The following UBE3C variants were observed in gnomAD, a reference collection of about 807,000 sequenced individuals.
The protein encoded by UBE3C is ubiquitin-protein ligase E3C.
Under a neutral mutation model 129.4 loss-of-function variants are expected in UBE3C, and 42 were observed. The observed-to-expected ratio is 0.32, with a 90% CI of 0.25 to 0.42. The LOEUF (loss-of-function observed/expected upper bound fraction) is 0.42, where lower values mean the gene tolerates loss of function less well. Among genes scored for constraint, UBE3C ranks in the 10% least tolerant of loss-of-function variants. UBE3C has a pLI of 1.00. For missense variants in UBE3C, 1,049 were observed against 1,319.1 expected, an observed-to-expected ratio of 0.80 and a Z score of 3.17; for synonymous variants, 510 against 492.4, an observed-to-expected ratio of 1.04 and a Z score of -0.47.
chr7:157,158,001 G>GAA (rs1203557838), intron 1 of UBE3C, among the ~76,000 whole-genome samples: 43 of 148,560 alleles, frequency 2.9e-4, no homozygotes, highest in African/African-American at 8.9e-4. Flanking sequence ...GAGAGAGAGA[G>GAA]AGAGATACAT....
chr7:157,211,744 A>C (rs1809601927), intron 13 of UBE3C, among the ~76,000 whole-genome samples: 1 of 152,134 alleles, frequency 6.6e-6, no homozygotes, highest in African/African-American at 2.4e-5. Flanking sequence ...ATTCTCAGTT[A>C]TTTGAACACT....
intron 11 of UBE3C, among the ~76,000 whole-genome samples, chr7:157,204,738 C>T (rs1809385472): frequency 6.6e-6 from 1 of 152,196 alleles, no homozygotes; most frequent in Admixed American, 6.5e-5. Context: ...ATTAGGCATC[C>T]CTTGACTACA....
intron 22 of UBE3C, 31 bp downstream of exon 22, chr7:157,257,075 G>T: frequency 6.2e-7 from 1 of 1,612,410 alleles, no homozygotes; most frequent in South Asian, 1.1e-5. Context: ...TTGCTTTAAA[G>T]ACCACTTCAT....
intron 1 of UBE3C, among the ~76,000 whole-genome samples, chr7:157,154,271 G>A (rs1433403047): frequency 6.6e-6 from 1 of 151,918 alleles, no homozygotes; most frequent in Non-Finnish European, 1.5e-5. Context: ...AGTGAGCCAA[G>A]ATCACACCAC....
chr7:157,174,084 C>G (rs1023150443), intron 4 of UBE3C, among the ~76,000 whole-genome samples: 1 of 152,068 alleles, frequency 6.6e-6, no homozygotes, highest in South Asian at 2.1e-4. Context: ...CTATCTTTGC[C>G]GAGGGTGGTG....
At chr7:157,208,852 T>C (rs953366363) in intron 13 of UBE3C, among the ~76,000 whole-genome samples, 4 of 152,154 alleles carry the variant, frequency 2.6e-5, no homozygotes, top group African/African-American at 9.7e-5. Context: ...AGCAAACACA[T>C]CTAGTCAGCT....
intron 11 of UBE3C, among the ~76,000 whole-genome samples, chr7:157,202,313 T>G (rs1330843676): frequency 1.3e-5 from 2 of 152,238 alleles, no homozygotes; most frequent in Admixed American, 6.5e-5. Context: ...AAATCCTTCA[T>G]GGTAAACTGA....
At position 157,183,966 on chromosome 7, in the gene UBE3C, C is replaced by T. The variant is rs1423274249; in HGVS notation, c.1080C>T (p.Ser360=). The part of the protein sequence containing the change: ...SQLPVSPASA[S]CHDSASDSEE... ...TACCAGTCTCTCCTGCCAGCGCGAG[C>T]TGTCACGACTCAGCCAGTGACTCTG... is the stretch of plus-strand genomic sequence containing the variant. Residue 360 remains serine (S), a synonymous_variant, in exon 9 of 23, where the codon AGC becomes AGT. Transcript: ENST00000348165. 1 of 1,614,228 alleles carries T rather than the reference C, an allele frequency of 6.2e-7. No homozygotes were observed. Among genetic ancestry groups the T allele is most frequent in the Non-Finnish European group, 8.5e-7 (1 of 1,180,042 alleles).
intron 10 of UBE3C, among the ~76,000 whole-genome samples, chr7:157,187,390 T>C (rs1288209283): frequency 1.3e-5 from 2 of 150,926 alleles, no homozygotes; most frequent in Admixed American, 1.3e-4. Flanking sequence ...GGTTTTTTTT[T>C]TTCTTCTTCT....
chr7:157,151,465 A>T (rs916529461), intron 1 of UBE3C, among the ~76,000 whole-genome samples: 2 of 152,202 alleles, frequency 1.3e-5, no homozygotes, highest in Admixed American at 1.3e-4. Flanking sequence ...GCAGCTTAAA[A>T]AACAAGTAAA....
intron 21 of UBE3C, among the ~76,000 whole-genome samples, chr7:157,256,421 G>A (rs562263363): frequency 1.3e-5 from 2 of 151,544 alleles, no homozygotes; most frequent in South Asian, 4.2e-4. Context: ...GGGATTACAG[G>A]TGTGAGCCAC....
intron 11 of UBE3C, among the ~76,000 whole-genome samples, chr7:157,206,285 C>T (rs970195545): frequency 3.3e-5 from 5 of 152,064 alleles, no homozygotes; most frequent in East Asian, 1.9e-4. Flanking sequence ...TTTTTGGAAA[C>T]GGAGTCTCGC....
chr7:157,228,292 C>T (rs956671740), intron 17 of UBE3C, among the ~76,000 whole-genome samples: 2 of 152,190 alleles, frequency 1.3e-5, no homozygotes, highest in Non-Finnish European at 2.9e-5. Flanking sequence ...GGGATGCCCA[C>T]GCACTCCCAG....
chr7:157,167,053 C>T (rs1563036488), intron 2 of UBE3C, among the ~76,000 whole-genome samples: 1 of 152,084 alleles, frequency 6.6e-6, no homozygotes, highest in Non-Finnish European at 1.5e-5. Flanking sequence ...CCTCAGCCTC[C>T]CAAGTAGCTG....
intron 8 of UBE3C, among the ~76,000 whole-genome samples, chr7:157,182,603 G>A (rs986089226): frequency 6.6e-6 from 1 of 152,160 alleles, no homozygotes; most frequent in African/African-American, 2.4e-5. Context: ...TGTGAGTCAG[G>A]CCTGTTTCCC....
At chr7:157,191,230 G>A (rs937518989) in intron 10 of UBE3C, among the ~76,000 whole-genome samples, 2 of 152,208 alleles carry the variant, frequency 1.3e-5, no homozygotes, top group African/African-American at 4.8e-5. Context: ...GAAGCGCAGT[G>A]CTTCTTTTCT....
In UBE3C at chr7:157,206,903, T is replaced by C. The variant is rs905891175; in HGVS notation, c.1419-495T>C. Among the ~76,000 whole-genome samples, 3 of 152,234 alleles carry C rather than the reference T, an allele frequency of 2.0e-5. No homozygotes were observed. The South Asian group carries it at 6.2e-4, about 32-fold the overall frequency. ...GGCCACCATAGAGAACTGGAAACTTTGTTTCTTGAGGTTCCAGTTTGGCTT... is the reference window on the plus strand; with the variant it reads ...GGCCACCATAGAGAACTGGAAACTTCGTTTCTTGAGGTTCCAGTTTGGCTT... On this transcript the variant is annotated intron_variant, in intron 11 of 22. Coordinates refer to ENST00000348165, the MANE Select transcript of UBE3C (RefSeq NM_014671.3).
At chr7:157,200,948 A>G (rs1563053527) in intron 10 of UBE3C, among the ~76,000 whole-genome samples, 1 of 152,114 alleles carries the variant, frequency 6.6e-6, no homozygotes, top group Non-Finnish European at 1.5e-5. Context: ...TTTTAGATTT[A>G]TTTTTGAGAT....
intron 18 of UBE3C, among the ~76,000 whole-genome samples, chr7:157,239,286 A>G (rs530923519): frequency 6.6e-6 from 1 of 152,354 alleles, no homozygotes; most frequent in African/African-American, 2.4e-5. Flanking sequence ...CAGCTACTCA[A>G]AATGGTATGA....
Sources: allele counts gnomAD v4.1 joint callset (sites outside exome capture counted in the v4.1 genomes callset), GRCh38; gene constraint gnomAD v4.1.1; transcripts MANE v1.5; gene names NCBI Gene and HGNC (gene_info 2026-07-23, HGNC 2026-07-21).